The following SEZ6L variants were observed in gnomAD, a reference collection of about 807,000 sequenced individuals.
SEZ6L encodes seizure related 6 homolog like, also known as seizure 6-like protein.
In SEZ6L, 37 loss-of-function variants were observed where a neutral mutation model predicts 106.2. That is an observed-to-expected ratio of 0.35 (90% CI 0.27 to 0.46). The LOEUF is 0.46. Ranked by LOEUF, SEZ6L falls within the 20% of genes least tolerant of loss-of-function variation. SEZ6L has a pLI of 1.00. For synonymous variants in SEZ6L, 541 were observed against 570.4 expected, an observed-to-expected ratio of 0.95 and a Z score of 0.73; for missense variants, 1,172 against 1,332.8, an observed-to-expected ratio of 0.88 and a Z score of 1.88.
At chr22:26,368,536 A>T (rs1190848793) in intron 13 of SEZ6L, among the ~76,000 whole-genome samples, 1 of 152,222 alleles carries the variant, frequency 6.6e-6, no homozygotes, top group African/African-American at 2.4e-5. Flanking sequence ...TCTAGGAAAC[A>T]TCTAGAATAG....
intron 1 of SEZ6L, among the ~76,000 whole-genome samples, chr22:26,242,353 C>A: frequency 6.6e-6 from 1 of 152,228 alleles, no homozygotes; most frequent in East Asian, 1.9e-4. Context: ...TGGGCTCAAG[C>A]CCCTCCCTGG....
At chr22:26,198,384 C>T (rs903819155) in intron 1 of SEZ6L, among the ~76,000 whole-genome samples, 74 of 152,174 alleles carry the variant, frequency 4.9e-4, no homozygotes, top group African/African-American at 1.7e-3. Flanking sequence ...AGACTGTAAG[C>T]TTAGATTCAG....
Position 26,292,829 on chromosome 22 carries a change from T to C in SEZ6L, c.518T>C (p.Ile173Thr), listed in dbSNP as rs751129992. The C allele has an allele frequency of 5.0e-6, 8 of 1,614,010 alleles. No homozygotes were observed. The South Asian group carries it at 7.7e-5, about 16-fold the overall frequency. ...GGCCCACCGGGGGACCCGGACCCCA[T>C]CGTGGCCTCCGAGGAGGCATCAGAA... ...KPGPPGDPDP[I>T]VASEEASEVP... Residue 173 changes from isoleucine to threonine, a missense_variant, in exon 2 of 17, where the codon ATC (isoleucine) becomes ACC (threonine). Ile to Thr is a moderately conservative substitution (Grantham distance 89). This residue lies in a region of SEZ6L where 494 missense variants were observed against 445.8 expected (regional missense o/e 1.11). Coordinates refer to ENST00000248933, the MANE Select transcript of SEZ6L (RefSeq NM_021115.5).
At chr22:26,216,961 G>A (rs1286336449) in intron 1 of SEZ6L, among the ~76,000 whole-genome samples, 1 of 152,150 alleles carries the variant, frequency 6.6e-6, no homozygotes, top group Non-Finnish European at 1.5e-5. Context: ...GATGTCTGGT[G>A]TCAATGCCAG....
At chr22:26,231,640 T>G (rs774785802) in intron 1 of SEZ6L, among the ~76,000 whole-genome samples, 1 of 152,168 alleles carries the variant, frequency 6.6e-6, no homozygotes, top group Non-Finnish European at 1.5e-5. Flanking sequence ...CTATTCTTCC[T>G]TTGGTGCTGC....
At chr22:26,348,618 AAG>A (rs2083110486) in intron 11 of SEZ6L, among the ~76,000 whole-genome samples, 1 of 28,194 alleles carries the variant, frequency 3.5e-5, no homozygotes, top group Non-Finnish European at 5.6e-5. Context: ...GAGAAAAAGA[AAG>A]AAAGAAAGAA....
intron 1 of SEZ6L, among the ~76,000 whole-genome samples, chr22:26,205,218 C>A (rs1417455564): frequency 6.6e-6 from 1 of 152,238 alleles, no homozygotes. Flanking sequence ...TTAAACACTG[C>A]CAATTACCAA....
At chr22:26,178,029 C>T (rs1021700284) in intron 1 of SEZ6L, among the ~76,000 whole-genome samples, 1 of 152,182 alleles carries the variant, frequency 6.6e-6, no homozygotes, top group Admixed American at 6.5e-5. Context: ...AATGGAATCC[C>T]TATCCCTCTC....
chr22:26,305,819 G>A (rs1034333717), intron 5 of SEZ6L, among the ~76,000 whole-genome samples, 160 bp from the exon 6 acceptor site: 7 of 152,154 alleles, frequency 4.6e-5, no homozygotes, highest in African/African-American at 1.7e-4. Context: ...TCCCGCTCCA[G>A]GTCTCTGATG....
At chr22:26,269,840 C>T (rs1196904551) in intron 1 of SEZ6L, among the ~76,000 whole-genome samples, 2 of 152,192 alleles carry the variant, frequency 1.3e-5, no homozygotes, top group Admixed American at 6.5e-5. Flanking sequence ...TGTATTATCT[C>T]GGCCACCAGT....
rs2081168933 is a variant in SEZ6L, at chr22:26,292,640, A to G, written c.329A>G (p.Lys110Arg). The part of the protein sequence containing the change: ...SPLLPEEARP[K>R]HALPPKKKLP... Reference sequence around the variant, plus strand: ...CTGCTTCCAGAGGAGGCCCGCCCCAAGCACGCCTTGCCCCCCAAGAAGAAA... The same window carrying G: ...CTGCTTCCAGAGGAGGCCCGCCCCAGGCACGCCTTGCCCCCCAAGAAGAAA... Residue 110 changes from lysine to arginine, a missense_variant, in exon 2 of 17, where the codon AAG becomes AGG. Around this residue, in one of 4 missense-constraint regions of SEZ6L, gnomAD observed 494 missense variants for 445.8 expected, o/e 1.11. Transcript: ENST00000248933. The G allele has an allele frequency of 1.2e-6, 2 of 1,613,152 alleles. No individual in the cohort carries two copies. The highest frequency in any genetic ancestry group is 2.7e-5 in the African/African-American group (2 of 74,904).
At chr22:26,171,615 CAT>C (rs768745138) in intron 1 of SEZ6L, among the ~76,000 whole-genome samples, 34 of 152,320 alleles carry the variant, frequency 2.2e-4, no homozygotes, top group African/African-American at 5.5e-4. Context: ...CAGGGGGAGA[CAT>C]GTGTGTGTTT....
rs144621868 is a variant in SEZ6L at position 26,217,494 on chromosome 22, T to C, written c.94+47731T>C. 1.8e-4 allele frequency among the ~76,000 whole-genome samples: 27 copies of C among 152,342 alleles called. 1 individual carries two copies. In the East Asian group the frequency reaches 5.2e-3, roughly 29 times the overall value. On this transcript the variant is annotated intron_variant, in intron 1 of 16. Coordinates refer to ENST00000248933, the MANE Select transcript of SEZ6L (RefSeq NM_021115.5). Reference sequence around the variant, plus strand: ...TGGCCTGATTACCTTCTACTTCTCTTTCAGACCTCAGTGTAAGTGTCACTT... The same window carrying C: ...TGGCCTGATTACCTTCTACTTCTCTCTCAGACCTCAGTGTAAGTGTCACTT...
At chr22:26,254,996 TC>T in intron 1 of SEZ6L, among the ~76,000 whole-genome samples, 1 of 152,342 alleles carries the variant, frequency 6.6e-6, no homozygotes, top group Non-Finnish European at 1.5e-5. Flanking sequence ...GTTTCCAGTT[TC>T]CTTGGATAAA....
intron 6 of SEZ6L, 122 bp from the exon 7 acceptor site, chr22:26,310,548 C>A: frequency 3.8e-6 from 4 of 1,059,180 alleles, no homozygotes; most frequent in South Asian, 3.2e-5. Flanking sequence ...AAAAAAGAGG[C>A]AGAGTTAGGT....
intron 1 of SEZ6L, among the ~76,000 whole-genome samples, chr22:26,274,187 T>C (rs2080464083): frequency 6.6e-6 from 1 of 152,188 alleles, no homozygotes; most frequent in Non-Finnish European, 1.5e-5. Flanking sequence ...GTTTCCTCTT[T>C]TGTAAAATGT....
intron 1 of SEZ6L, among the ~76,000 whole-genome samples, chr22:26,235,739 G>A (rs1476540144): frequency 2.0e-5 from 3 of 152,212 alleles, no homozygotes; most frequent in African/African-American, 7.2e-5. Context: ...GGGAAGTATA[G>A]CAGCTCATAC....
intron 1 of SEZ6L, among the ~76,000 whole-genome samples, chr22:26,277,041 G>A (rs1224542050): frequency 6.6e-6 from 1 of 151,942 alleles, no homozygotes; most frequent in Non-Finnish European, 1.5e-5. Flanking sequence ...CCCATTCGTG[G>A]GGGAGAAGCC....
At chr22:26,364,543 T>A (rs373327032) in intron 12 of SEZ6L, among the ~76,000 whole-genome samples, 1 of 152,054 alleles carries the variant, frequency 6.6e-6, no homozygotes. Context: ...CAGTGAGCCG[T>A]GCTGCACCAC....
Sources: gnomAD v4.1 joint callset for allele counts (sites outside exome capture counted in the v4.1 genomes callset) on GRCh38, gnomAD v4.1.1 for gene constraint, gnomAD v4.1.1 regional missense constraint, MANE v1.5 for transcripts, NCBI Gene and HGNC (gene_info 2026-07-23, HGNC 2026-07-21) for gene names.